SCARA5: variants seen among roughly 807,000 people sequenced by gnomAD.
SCARA5 encodes the protein scavenger receptor class A member 5.
SCARA5 carries 45 observed loss-of-function variants against 46.3 expected under a neutral mutation model. The observed-to-expected ratio is 0.97, with a 90% CI of 0.76 to 1.24. The LOEUF is 1.24. Ranked by LOEUF, SCARA5 falls within the 50% of genes most tolerant of loss-of-function variation. The probability of loss-of-function intolerance (pLI) is 0.00; values close to 1 mark genes in which losing one functional copy is unlikely to be tolerated. For missense variants in SCARA5, 680 were observed against 689.0 expected (o/e 0.99, Z 0.15); for synonymous variants, 333 against 306.5 (o/e 1.09, Z -0.90).
rs779513600 is a variant in SCARA5 at position 27,921,865 on chromosome 8, C to T, written c.622G>A (p.Gly208Arg). The T allele has an allele frequency of 1.5e-5, 23 of 1,511,578 alleles. No individual in the cohort carries two copies. In the South Asian group the frequency reaches 2.7e-4, roughly 18 times the overall value. The allele number at this position is 1,511,578 out of a possible 1,614,324, so 93.6% of individuals were successfully genotyped here. A position where few individuals can be genotyped will look rare whatever the true frequency, so the allele number is the denominator to read the frequency against. ...AGGATGCCCACCCTGCGCGCCAGCC[C>T]GTCCAGCAGGCCCGCGTGGCGCCTC... ...LLRRHAGLLD[G>R]LARRVGILGE... Residue 208 changes from glycine (G) to arginine (R), a missense_variant, in exon 4 of 9, where the codon GGG (glycine) becomes AGG (arginine). Around this residue, in one of 3 missense-constraint regions of SCARA5, gnomAD observed 438 missense variants for 384.5 expected, o/e 1.14. Transcript: ENST00000354914.
At chr8:27,913,553 G>A (rs1225101599) in intron 4 of SCARA5, among the ~76,000 whole-genome samples, 1 of 152,170 alleles carries the variant, frequency 6.6e-6, no homozygotes. Context: ...TGTGATTCGA[G>A]GCTTCTCATA....
intron 2 of SCARA5, among the ~76,000 whole-genome samples, chr8:27,974,936 T>G (rs1808500810): frequency 6.6e-6 from 1 of 151,832 alleles, no homozygotes; most frequent in Admixed American, 6.6e-5. Flanking sequence ...AAAAAAATCT[T>G]CTAAAGCTCT....
chr8:27,872,503 G>A (rs1396778087), intron 8 of SCARA5, among the ~76,000 whole-genome samples: 3 of 152,198 alleles, frequency 2.0e-5, no homozygotes, highest in African/African-American at 7.2e-5. Context: ...TTTTTGTTAC[G>A]TAGACATTTT....
At chr8:27,896,578 G>A (rs1585471009) in intron 7 of SCARA5, among the ~76,000 whole-genome samples, 1 of 152,066 alleles carries the variant, frequency 6.6e-6, no homozygotes, top group Non-Finnish European at 1.5e-5. Flanking sequence ...CTCAGTGACC[G>A]GGGTGGTTGC....
At position 27,897,305 on chromosome 8, in the gene SCARA5, T is replaced by C. The variant is rs1385910315; in HGVS notation, c.1153+7473A>G. Among the ~76,000 whole-genome samples, 110 of 152,288 alleles carry C rather than the reference T, an allele frequency of 7.2e-4. 1 individual carries two copies. Among genetic ancestry groups the C allele is most frequent in the Non-Finnish European group, 2.5e-4 (17 of 68,020 alleles). On this transcript the variant is annotated intron_variant, in intron 7 of 8. Coordinates refer to ENST00000354914, the MANE Select transcript of SCARA5 (RefSeq NM_173833.6). The stretch of plus-strand genomic sequence containing the variant: ...GGACTCAATCCGCAGAGCCCACAGC[T>C]GCATCCACTCCCAGCATAACGGGAG...
chr8:27,907,718 C>T (rs181843092), intron 5 of SCARA5, among the ~76,000 whole-genome samples: 62 of 152,070 alleles, frequency 4.1e-4, no homozygotes, highest in Admixed American at 9.8e-4. Flanking sequence ...TACAGGCACA[C>T]GCCGCCACGC....
chr8:27,904,603 C>A, intron 7 of SCARA5, 175 bp downstream of exon 7: 1 of 705,712 alleles, frequency 1.4e-6, no homozygotes. Flanking sequence ...CCCCTGGGGT[C>A]TATCAGCATC....
intron 3 of SCARA5, among the ~76,000 whole-genome samples, chr8:27,949,816 T>C (rs1424098016): frequency 1.4e-4 from 22 of 152,170 alleles, no homozygotes; most frequent in Admixed American, 1.4e-3. Flanking sequence ...GCCAGGGACA[T>C]GGGTCTGGCT....
intron 3 of SCARA5, among the ~76,000 whole-genome samples, chr8:27,940,773 T>C (rs937605134): frequency 7.7e-6 from 1 of 130,518 alleles, no homozygotes; most frequent in African/African-American, 2.8e-5. Flanking sequence ...CATCCATCCA[T>C]CCATCCATCC....
intron 7 of SCARA5, among the ~76,000 whole-genome samples, chr8:27,897,296 G>A (rs1459230670): frequency 6.6e-6 from 1 of 152,184 alleles, no homozygotes. Flanking sequence ...AATCCGCAGA[G>A]CCCACAGCTG....
At chr8:27,982,363 G>A (rs997664420) in intron 2 of SCARA5, among the ~76,000 whole-genome samples, 8 of 148,428 alleles carry the variant, frequency 5.4e-5, no homozygotes, top group East Asian at 2.2e-4. Context: ...AAACCAAGGC[G>A]GGAGAAAGGA....
At chr8:27,988,307 G>T (rs892149464) in intron 1 of SCARA5, among the ~76,000 whole-genome samples, 6 of 152,202 alleles carry the variant, frequency 3.9e-5, no homozygotes, top group Non-Finnish European at 7.3e-5. Flanking sequence ...AGGCCAGGGA[G>T]GGCTTCTGTC....
intron 3 of SCARA5, among the ~76,000 whole-genome samples, chr8:27,931,124 A>T (rs964677607): frequency 6.6e-6 from 1 of 152,248 alleles, no homozygotes; most frequent in Non-Finnish European, 1.5e-5. Flanking sequence ...GCAAGAAAGA[A>T]GTTATCAGTA....
At chr8:27,912,008 A>G (rs2685344) in intron 4 of SCARA5, among the ~76,000 whole-genome samples, 83,929 of 151,966 alleles carry the variant, frequency 0.55, 23,935 homozygotes, top group Non-Finnish European at 0.63. Context: ...AAGCACCAGC[A>G]GCTGGGAAGG....
chr8:27,912,818 C>G (rs540739968), intron 4 of SCARA5, among the ~76,000 whole-genome samples: 2 of 152,308 alleles, frequency 1.3e-5, no homozygotes, highest in East Asian at 3.9e-4. Context: ...AGGATGCTGC[C>G]CAAAGACCCT....
At chr8:27,948,516 G>C (rs1347884245) in intron 3 of SCARA5, among the ~76,000 whole-genome samples, 1 of 152,182 alleles carries the variant, frequency 6.6e-6, no homozygotes, top group African/African-American at 2.4e-5. Context: ...GGCAGGTCAG[G>C]ACCGCCAGGC....
rs148179232 is a variant in SCARA5 at position 27,931,716 on chromosome 8, A to G, written c.242-9471T>C. On this transcript the variant is annotated intron_variant, in intron 3 of 8. Coordinates refer to ENST00000354914, the MANE Select transcript of SCARA5 (RefSeq NM_173833.6). ...TCTCGCTCTGTCACCCAGGCAGTGC[A>G]GGGGTGCGATCTCAGCTCACTGCAA... 1.4e-4 allele frequency among the ~76,000 whole-genome samples: 22 copies of G among 151,872 alleles called. No homozygotes were observed. The East Asian group carries it at 3.1e-3, about 21-fold the overall frequency.
chr8:27,871,313 T>G lies in SCARA5; in HGVS notation c.*621A>C, dbSNP rs116655504. 0.012 allele frequency: 5,556 copies of G among 452,004 alleles called. 315 individuals carry two copies. Among genetic ancestry groups the G allele is most frequent in the African/African-American group, 0.11 (5,187 of 46,848 alleles). 28.0% of individuals were successfully genotyped at this position (452,004 alleles called of 1,614,324 possible). On this transcript the variant is annotated 3_prime_UTR_variant, in exon 9 of 9. Coordinates refer to ENST00000354914, the MANE Select transcript of SCARA5 (RefSeq NM_173833.6). ...GCCATGGTAGTCATTCAATGTTAGT[T>G]TCATTCCCTTCTCCAAATCTAGCTG...
At chr8:27,874,016 G>T (rs1005415309) in intron 8 of SCARA5, among the ~76,000 whole-genome samples, 2 of 152,110 alleles carry the variant, frequency 1.3e-5, no homozygotes, top group Non-Finnish European at 2.9e-5. Flanking sequence ...TGCCAGCTTG[G>T]GTGACAGAGC....
Sources: allele counts gnomAD v4.1 joint callset (sites outside exome capture counted in the v4.1 genomes callset), GRCh38; gene constraint gnomAD v4.1.1; regional missense constraint gnomAD v4.1.1; transcripts MANE v1.5; gene names NCBI Gene and HGNC (gene_info 2026-07-23, HGNC 2026-07-21).